Variants in ME1 observed in about 807,000 individuals in gnomAD.
ME1 encodes malic enzyme 1.
A neutral mutation model predicts 66.4 loss-of-function variants in ME1; 74 were observed. The ratio of observed to expected loss-of-function variants is 1.11; its 90% CI spans 0.92 to 1.35. ME1 has a LOEUF of 1.35. Among genes scored for constraint, ME1 ranks in the 40% most tolerant of loss-of-function variants. ME1 has a pLI of 0.00. For synonymous variants in ME1, 251 were observed against 235.6 expected (o/e 1.07, Z -0.60); for missense variants, 750 against 694.1 (o/e 1.08, Z -0.90).
chr6:83,266,892 T>C (rs1302322635), intron 6 of ME1, among the ~76,000 whole-genome samples: 3 of 152,194 alleles, frequency 2.0e-5, no homozygotes, highest in African/African-American at 7.2e-5. Context: ...TCTATGTAGT[T>C]CTAATAATTG....
chr6:83,278,200 G>A (rs561933949), intron 6 of ME1, among the ~76,000 whole-genome samples: 18 of 152,074 alleles, frequency 1.2e-4, no homozygotes, highest in Non-Finnish European at 2.2e-4. Flanking sequence ...GAGCAGAACC[G>A]TGCAGCAAGA....
At chr6:83,354,207 T>G (rs6940284) in intron 3 of ME1, among the ~76,000 whole-genome samples, 49,808 of 151,972 alleles carry the variant, frequency 0.33, 8,541 homozygotes, top group Middle Eastern at 0.5. Context: ...GCTCACTGCA[T>G]CCCCTGCCTC....
chr6:83,287,080 T>A (rs189286945), intron 6 of ME1, among the ~76,000 whole-genome samples: 48 of 152,320 alleles, frequency 3.2e-4, no homozygotes, highest in Non-Finnish European at 3.8e-4. Context: ...ACTGTTTTTA[T>A]GAAAATTTTC....
chr6:83,389,306 T>C (rs1226810428), intron 3 of ME1, among the ~76,000 whole-genome samples: 1 of 152,176 alleles, frequency 6.6e-6, no homozygotes, highest in Non-Finnish European at 1.5e-5. Context: ...AAAGTAATTC[T>C]AAGTTACAAT....
At chr6:83,261,621 T>C (rs1004432829) in intron 6 of ME1, among the ~76,000 whole-genome samples, 5 of 152,094 alleles carry the variant, frequency 3.3e-5, no homozygotes, top group African/African-American at 9.7e-5. Context: ...AGGTAGCCTG[T>C]TGTTAAAGTG....
intron 6 of ME1, among the ~76,000 whole-genome samples, chr6:83,276,066 C>T (rs1370761141): frequency 6.6e-6 from 1 of 151,972 alleles, no homozygotes; most frequent in Non-Finnish European, 1.5e-5. Context: ...CACCGCGCCC[C>T]GGCCAACATT....
At chr6:83,351,242 A>G (rs919213813) in intron 4 of ME1, among the ~76,000 whole-genome samples, 8 of 152,174 alleles carry the variant, frequency 5.3e-5, no homozygotes, top group Non-Finnish European at 1.5e-5. Context: ...AAAAATTAAA[A>G]TAATTTTAAA....
chr6:83,283,517 A>G (rs1037123039), intron 6 of ME1, among the ~76,000 whole-genome samples: 2 of 152,154 alleles, frequency 1.3e-5, no homozygotes, highest in East Asian at 3.9e-4. Context: ...GCAGCAAACC[A>G]CCATGGCACA....
In ME1 at chr6:83,411,121, G is replaced by A. The variant is rs137940876; in HGVS notation, c.79-3220C>T. 4.8e-3 allele frequency among the ~76,000 whole-genome samples: 726 copies of A among 152,316 alleles called. 3 individuals carry two copies. Among genetic ancestry groups the A allele is most frequent in the African/African-American group, 0.016 (665 of 41,572 alleles). Reference sequence around the variant, plus strand: ...GGGCCGGGCGTGGTGGCTCACGCCTGTAATCCCAGCACTTTGGGAGGCCAG... The same window carrying A: ...GGGCCGGGCGTGGTGGCTCACGCCTATAATCCCAGCACTTTGGGAGGCCAG... On this transcript the variant is annotated intron_variant, in intron 1 of 13. Coordinates refer to ENST00000369705, the MANE Select transcript of ME1 (RefSeq NM_002395.6).
chr6:83,258,836 T>G (rs914437974), intron 6 of ME1, among the ~76,000 whole-genome samples: 1 of 152,178 alleles, frequency 6.6e-6, no homozygotes, highest in African/African-American at 2.4e-5. Flanking sequence ...CAGTGCTATA[T>G]ATACTGGCTA....
chr6:83,301,335 TC>T (rs1224419945), intron 6 of ME1, among the ~76,000 whole-genome samples: 4 of 126,736 alleles, frequency 3.2e-5, no homozygotes, highest in African/African-American at 1.5e-4. Context: ...TCTCTCTCTC[TC>T]TCTTTCTTTC....
At chr6:83,395,272 A>T (rs144541202) in intron 3 of ME1, among the ~76,000 whole-genome samples, 4,165 of 151,726 alleles carry the variant, frequency 0.027, 199 homozygotes, top group African/African-American at 0.092. Flanking sequence ...TTTTTAGTAG[A>T]GATAGGGTTT....
chr6:83,400,412 G>A (rs767029754), intron 2 of ME1, among the ~76,000 whole-genome samples: 11 of 152,106 alleles, frequency 7.2e-5, no homozygotes, highest in Non-Finnish European at 1.3e-4. Flanking sequence ...TGAACCATGA[G>A]CCATTTAAAT....
chr6:83,416,922 T>C (rs918453752), intron 1 of ME1, among the ~76,000 whole-genome samples: 1 of 151,636 alleles, frequency 6.6e-6, no homozygotes, highest in African/African-American at 2.4e-5. Context: ...GTAGTTTCTG[T>C]GTCTTTGTCA....
Position 83,386,138 on chromosome 6 carries a change from G to T in ME1, c.362+12229C>A, listed in dbSNP as rs1026844052. 2.3e-4 allele frequency among the ~76,000 whole-genome samples: 35 copies of T among 151,722 alleles called. 2 individuals carry two copies. Among genetic ancestry groups the T allele is most frequent in the African/African-American group, 7.5e-4 (31 of 41,214 alleles). ...TGGACCAAATAATATTACAGAATAA[G>T]TATAAATCAAAATCAAAGGCTTATT... On this transcript the variant is annotated intron_variant, in intron 3 of 13. Transcript: ENST00000369705.
intron 7 of ME1, among the ~76,000 whole-genome samples, chr6:83,250,967 T>C (rs536180811): frequency 1.3e-5 from 2 of 152,358 alleles, no homozygotes; most frequent in African/African-American, 4.8e-5. Context: ...GGCATGGCTT[T>C]GTTGCAATAA....
chr6:83,405,911 C>T (rs1312349214), intron 2 of ME1, among the ~76,000 whole-genome samples: 1 of 151,790 alleles, frequency 6.6e-6, no homozygotes. Flanking sequence ...TTAGTAGAGA[C>T]GGGGTTTCAC....
chr6:83,362,449 G>A (rs1006241957), intron 3 of ME1, among the ~76,000 whole-genome samples: 6 of 152,198 alleles, frequency 3.9e-5, no homozygotes, highest in African/African-American at 1.4e-4. Context: ...TCTTTCCCCA[G>A]CCACCCCTGT....
chr6:83,359,641 GA>G (rs940323774), intron 3 of ME1, among the ~76,000 whole-genome samples: 132 of 152,290 alleles, frequency 8.7e-4, no homozygotes, highest in African/African-American at 3.1e-3. Context: ...GTTTAATGTA[GA>G]GGAAGGGATC....
Sources: allele counts gnomAD v4.1 joint callset (sites outside exome capture counted in the v4.1 genomes callset), GRCh38; gene constraint gnomAD v4.1.1; transcripts MANE v1.5; gene names NCBI Gene and HGNC (gene_info 2026-07-23, HGNC 2026-07-21).